The following NR4A1 variants were observed in gnomAD, a reference collection of about 807,000 sequenced individuals.
NR4A1 encodes nuclear receptor subfamily 4immunitygroup A member 1.
In NR4A1, 24 loss-of-function variants were observed where a neutral mutation model predicts 47.5. The ratio of observed to expected loss-of-function variants is 0.50; its 90% confidence interval spans 0.37 to 0.71. NR4A1 has a LOEUF of 0.71. NR4A1 is among the 30% of genes least tolerant of loss of function. The pLI, the probability that NR4A1 is intolerant of heterozygous loss-of-function variation, is 0.00. For missense variants in NR4A1, 669 were observed against 788.6 expected (o/e 0.85, Z 1.82); for synonymous variants, 353 against 345.7 (o/e 1.02, Z -0.24).
At chr12:52,043,629 C>G in intron 2 of NR4A1, 4 of 1,151,032 alleles carry the variant, frequency 3.5e-6, no homozygotes, top group Non-Finnish European at 4.4e-6. Context: ...CAGGTCCAGT[C>G]AAGAGGGCCC....
chr12:52,023,205 A>T (rs1937920420), intron 1 of NR4A1, among the ~76,000 whole-genome samples: 1 of 152,226 alleles, frequency 6.6e-6, no homozygotes, highest in African/African-American at 2.4e-5. Flanking sequence ...AAGAGGCTGC[A>T]GGCTGGCCTT....
upstream of NR4A1, among the ~76,000 whole-genome samples, chr12:52,050,956 G>A (rs1370686797): frequency 1.3e-5 from 2 of 152,138 alleles, no homozygotes; most frequent in African/African-American, 2.4e-5. Flanking sequence ...GGGAGCCGGA[G>A]GGACCGGGCG....
chr12:52,042,989 G>A (rs774919211), intron 2 of NR4A1, among the ~76,000 whole-genome samples: 1 of 152,190 alleles, frequency 6.6e-6, no homozygotes, highest in Non-Finnish European at 1.5e-5. Context: ...CCTCATGGGG[G>A]GTCAGCGTTC....
upstream of NR4A1, among the ~76,000 whole-genome samples, chr12:52,047,675 C>T (rs1427527671): frequency 2.6e-5 from 4 of 152,210 alleles, no homozygotes; most frequent in Non-Finnish European, 4.4e-5. Context: ...GCTGCAGGCC[C>T]AGATCTGGAG....
chr12:52,057,431 G>C lies in NR4A1; in HGVS notation c.1441G>C (p.Asp481His). 6.2e-7 allele frequency: 1 copy of C among 1,614,256 alleles called. No individual in the cohort carries two copies. ...HRLQCARGFG[D>H]WIDSILAFSR... ...GCTGCAGTGTGCCCGTGGCTTCGGG[G>C]ACTGGATTGACAGTATCCTGGCCTT... Residue 481 changes from aspartate (D) to histidine (H), a missense_variant, in exon 6 of 7, where the codon GAC becomes CAC. Physicochemically the swap from Asp to His is moderately conservative, Grantham distance 81. Transcript: ENST00000394825.
Position 52,051,499 on chromosome 12 carries a change from G to T in NR4A1, c.-72G>T. On this transcript the variant is annotated 5_prime_UTR_variant, in exon 1 of 7. Transcript: ENST00000394825. ...GAGTGCACAGAAGAACTTCGGGAGCGCACGCGGGACCAGGGACCAGGCTGA... is the reference window on the plus strand; with the variant it reads ...GAGTGCACAGAAGAACTTCGGGAGCTCACGCGGGACCAGGGACCAGGCTGA... 1.7e-5 allele frequency: 17 copies of T among 985,730 alleles called. No homozygotes were observed. The highest frequency in any genetic ancestry group is 1.9e-5 in the Non-Finnish European group (16 of 830,132). The allele number at this position is 985,730 out of a possible 1,614,324, so 61.1% of individuals were successfully genotyped here. A position where few individuals can be genotyped will look rare whatever the true frequency, so the allele number is the denominator to read the frequency against.
intron 2 of NR4A1, 46 bp from the exon 3 acceptor site, chr12:52,055,984 C>A: frequency 2.0e-6 from 2 of 1,008,516 alleles, no homozygotes; most frequent in East Asian, 3.5e-5. Flanking sequence ...TCCCCCCTCC[C>A]CACCCCACAC....
At chr12:52,051,111 C>G (rs1254227539), upstream of NR4A1, among the ~76,000 whole-genome samples, 4 of 152,228 alleles carry the variant, frequency 2.6e-5, no homozygotes, top group Non-Finnish European at 4.4e-5. Flanking sequence ...GGACCCGAGT[C>G]CGGTGCGGGG....
intron 2 of NR4A1, 23 bp downstream of exon 2, chr12:52,055,227 G>A: frequency 6.2e-7 from 1 of 1,607,800 alleles, no homozygotes; most frequent in Non-Finnish European, 8.5e-7. Context: ...CCCAGGTGGG[G>A]CCTTTTGTTG....
intron 1 of NR4A1, among the ~76,000 whole-genome samples, chr12:52,032,631 GT>G (rs1938150666): frequency 6.6e-6 from 1 of 152,174 alleles, no homozygotes; most frequent in African/African-American, 2.4e-5. Context: ...GTTCTGTGCT[GT>G]GCTGTGTTTC....
At chr12:52,038,638 A>G (rs896801911) in intron 1 of NR4A1, 31 of 727,142 alleles carry the variant, frequency 4.3e-5, no homozygotes, top group Non-Finnish European at 7.3e-5. Flanking sequence ...TGAACATTTA[A>G]GATCAGTGAC....
chr12:52,054,553 C>T lies in NR4A1; in HGVS notation c.225C>T (p.Val75=). 1 of 1,614,130 alleles carries T rather than the reference C, an allele frequency of 6.2e-7. No individual in the cohort carries two copies. Among genetic ancestry groups the T allele is most frequent in the East Asian group, 2.2e-5 (1 of 44,888 alleles). Residue 75 remains valine (V), a synonymous_variant, in exon 2 of 7, where the codon GTC becomes GTT. Transcript: ENST00000394825. Reference sequence around the variant, plus strand: ...TCCTCTACCAGCTGCCAGGAACAGTCCAGCCATGCTCCTCAGCCTCCTCCT... The same window carrying T: ...TCCTCTACCAGCTGCCAGGAACAGTTCAGCCATGCTCCTCAGCCTCCTCCT... ...DTFLYQLPGT[V]QPCSSASSSA...
Position 52,055,461 on chromosome 12 carries a change from C to A in NR4A1, c.876+257C>A. ...GGGGTGAGATAGGGGCAGATAGGAGCTGCAGGGGTGCCTGGCGAGCCTCTG... is the reference window on the plus strand; with the variant it reads ...GGGGTGAGATAGGGGCAGATAGGAGATGCAGGGGTGCCTGGCGAGCCTCTG... On this transcript the variant is annotated intron_variant, in intron 2 of 6. Coordinates refer to ENST00000394825, the MANE Select transcript of NR4A1 (RefSeq NM_173157.3). 3 of 589,722 alleles carry A rather than the reference C, an allele frequency of 5.1e-6. No individual in the cohort carries two copies. In the South Asian group the frequency reaches 6.4e-5, roughly 13 times the overall value. The allele number at this position is 589,722 out of a possible 1,614,324, so 36.5% of individuals were successfully genotyped here.
chr12:52,037,907 T>C, intron 1 of NR4A1: 1 of 984,230 alleles, frequency 1.0e-6, no homozygotes, highest in African/African-American at 1.8e-5. Flanking sequence ...CAGGCGTGTT[T>C]TTTTGTTGTT....
intron 5 of NR4A1, 40 bp from the exon 6 acceptor site, chr12:52,057,312 G>A (rs1183385022): frequency 1.2e-6 from 2 of 1,613,938 alleles, no homozygotes; most frequent in African/African-American, 2.7e-5. Flanking sequence ...ACCTGCCTGT[G>A]AACCACCCTG....
In NR4A1 at chr12:52,043,672, C is replaced by G. The variant is rs1487967594; in HGVS notation, c.37+1743C>G. The G allele has an allele frequency of 5.8e-6, 7 of 1,199,662 alleles. No individual in the cohort carries two copies. The East Asian group carries it at 2.9e-4, about 50-fold the overall frequency. 74.3% of individuals were successfully genotyped at this position (1,199,662 alleles called of 1,614,324 possible). A position where few individuals can be genotyped will look rare whatever the true frequency, so the allele number is the denominator to read the frequency against. ...CTCCCCCCATCCCCAGAGGCCGGCT[C>G]TGGTTTCTGCTATATAAACAGAGGA... On this transcript the variant is annotated intron_variant, in intron 2 of 7. Transcript: ENST00000360284.
At chr12:52,037,102 A>G (rs1324323724) in intron 1 of NR4A1, 1 of 149,432 alleles carries the variant, frequency 6.7e-6, no homozygotes, top group East Asian at 2.0e-4. Context: ...GGAGACGTCA[A>G]TGGGCACGCG....
At chr12:52,051,413 C>A (rs1938931650), upstream of NR4A1, 2 of 985,444 alleles carry the variant, frequency 2.0e-6, no homozygotes, top group Admixed American at 6.1e-5. Flanking sequence ...TCACGGAGCG[C>A]TTAAGAGGAG....
intron 1 of NR4A1, among the ~76,000 whole-genome samples, chr12:52,030,013 T>G (rs917493509): frequency 2.0e-5 from 3 of 152,212 alleles, no homozygotes; most frequent in Admixed American, 2.0e-4. Context: ...TGGACACTTA[T>G]AAACTTCTGC....
Sources: gnomAD v4.1 joint callset for allele counts (sites outside exome capture counted in the v4.1 genomes callset) on GRCh38, gnomAD v4.1.1 for gene constraint, MANE v1.5 for transcripts, NCBI Gene and HGNC (gene_info 2026-07-23, HGNC 2026-07-21) for gene names.